CHD5: variants seen among roughly 807,000 people sequenced by gnomAD.
CHD5 encodes the protein ATP-dependent chromatin remodeler CHD5.
Under a neutral mutation model 230.3 loss-of-function variants are expected in CHD5, and 69 were observed. The observed-to-expected ratio is 0.30, with a 90% confidence interval of 0.25 to 0.37. The LOEUF is 0.37. Ranked by LOEUF, CHD5 falls within the 10% of genes least tolerant of loss-of-function variation. The pLI, the probability that CHD5 is intolerant of heterozygous loss-of-function variation, is 1.00. For synonymous variants in CHD5, 1,064 were observed against 1,065.9 expected (o/e 1.00, Z 0.03); for missense variants, 1,827 against 2,622.8 (o/e 0.70, Z 6.63).
chr1:6,175,392 T>C (rs1571177191), intron 1 of CHD5, among the ~76,000 whole-genome samples: 1 of 144,622 alleles, frequency 6.9e-6, no homozygotes, highest in South Asian at 2.1e-4. Context: ...GATGGATGCA[T>C]GGATGGATGG....
At chr1:6,107,150 C>T (rs1352918252) in intron 38 of CHD5, among the ~76,000 whole-genome samples, 7 of 80,076 alleles carry the variant, frequency 8.7e-5, no homozygotes, top group Admixed American at 6.6e-4. Context: ...GATAATGGAG[C>T]GAAGATGGAG....
In CHD5 at chr1:6,128,799, C is replaced by T; in HGVS notation, c.3619+39G>A. 6.4e-7 allele frequency: 1 copy of T among 1,565,064 alleles called. No homozygotes were observed. Among genetic ancestry groups the T allele is most frequent in the Non-Finnish European group, 8.8e-7 (1 of 1,139,484 alleles). On this transcript the variant is annotated intron_variant, in intron 23 of 41. Coordinates refer to ENST00000262450, the MANE Select transcript of CHD5 (RefSeq NM_015557.3). This position sits in a 1 kb window ranked among gnomAD's most constrained non-coding sequence, Gnocchi z 7.8. ...TGGATGGGTGTCTCAGCCGGGCCACCCCAGTCCCCTGCCACGCTCCCTCGG... is the reference window on the plus strand; with the variant it reads ...TGGATGGGTGTCTCAGCCGGGCCACTCCAGTCCCCTGCCACGCTCCCTCGG...
chr1:6,179,598 G>A (rs1360617840), intron 1 of CHD5, among the ~76,000 whole-genome samples: 3 of 150,872 alleles, frequency 2.0e-5, no homozygotes, highest in Non-Finnish European at 4.4e-5. Context: ...GAGCTAGCGC[G>A]ATTCCCGCCC....
At chr1:6,162,566 C>T (rs1667194462) in intron 2 of CHD5, among the ~76,000 whole-genome samples, 1 of 152,094 alleles carries the variant, frequency 6.6e-6, no homozygotes, top group African/African-American at 2.4e-5. Flanking sequence ...CTCGGCCAAG[C>T]CAGAGCAGGC....
In CHD5 at chr1:6,148,902, C is replaced by T. The variant is rs890504160; in HGVS notation, c.1335G>A (p.Pro445=). ...CACCGTTTGGGATCTCGGGCAGCGGCGGGTTGAGGCAATGCAGGTGGTAGG... is the reference window on the plus strand; with the variant it reads ...CACCGTTTGGGATCTCGGGCAGCGGTGGGTTGAGGCAATGCAGGTGGTAGG... ...PSSYHLHCLN[P]PLPEIPNGEW... Residue 445 remains proline, a synonymous_variant, in exon 9 of 42, where the codon CCG becomes CCA. Coordinates refer to ENST00000262450, the MANE Select transcript of CHD5 (RefSeq NM_015557.3). 2.2e-5 allele frequency: 35 copies of T among 1,587,584 alleles called. No individual in the cohort carries two copies. Among genetic ancestry groups the T allele is most frequent in the Non-Finnish European group, 2.9e-5 (34 of 1,166,212 alleles).
chr1:6,114,444 G>T (rs1666343330), intron 33 of CHD5, among the ~76,000 whole-genome samples: 1 of 151,496 alleles, frequency 6.6e-6, no homozygotes, highest in South Asian at 2.1e-4. Context: ...AACCGTCTTG[G>T]GCCACACATA....
rs1473294042 is a variant in CHD5 at position 6,130,852 on chromosome 1, A to T, written c.3263-524T>A. Among the ~76,000 whole-genome samples the T allele has an allele frequency of 6.6e-6, 1 of 152,108 alleles. No homozygotes were observed. Among genetic ancestry groups the T allele is most frequent in the Admixed American group, 6.5e-5 (1 of 15,280 alleles). On this transcript the variant is annotated intron_variant, in intron 21 of 41. Transcript: ENST00000262450. This position sits in a 1 kb window ranked among gnomAD's most constrained non-coding sequence, Gnocchi z 4.9. ...TGACCTGGGACTGACCACAGCCCCC[A>T]CTGGAGCTGCAAACAGGCCCCTGGC...
intron 1 of CHD5, among the ~76,000 whole-genome samples, chr1:6,169,049 T>C (rs1340571962): frequency 6.7e-6 from 1 of 148,878 alleles, no homozygotes; most frequent in Non-Finnish European, 1.5e-5. Context: ...GAGAGAGAAT[T>C]GTGGAGCACA....
chr1:6,106,258 C>T lies in CHD5; in HGVS notation c.*22G>A. Reference sequence around the variant, plus strand: ...CCTCAGCTGGAAATGAGCGCTGCAACACAGGGAAGTCTCGAGGACGGCTAG... The same window carrying T: ...CCTCAGCTGGAAATGAGCGCTGCAATACAGGGAAGTCTCGAGGACGGCTAG... On this transcript the variant is annotated 3_prime_UTR_variant, in exon 41 of 42. Coordinates refer to ENST00000262450, the MANE Select transcript of CHD5 (RefSeq NM_015557.3). The T allele has an allele frequency of 1.2e-6, 2 of 1,612,814 alleles. No homozygotes were observed. Among genetic ancestry groups the T allele is most frequent in the Non-Finnish European group, 8.5e-7 (1 of 1,179,968 alleles).
In CHD5 at chr1:6,126,278, C is replaced by T. The variant is rs1473286609; in HGVS notation, c.4078+294G>A. Among the ~76,000 whole-genome samples, 2 of 152,080 alleles carry T rather than the reference C, an allele frequency of 1.3e-5. No individual in the cohort carries two copies. The highest frequency in any genetic ancestry group is 4.8e-5 in the African/African-American group (2 of 41,414). Reference sequence around the variant, plus strand: ...CGGGGGGGTCCTGCACAGGGATGCCCCAACAGAATCCTGCCCCACCCTCCA... The same window carrying T: ...CGGGGGGGTCCTGCACAGGGATGCCTCAACAGAATCCTGCCCCACCCTCCA... On this transcript the variant is annotated intron_variant, in intron 26 of 41. Transcript: ENST00000262450. The surrounding 1 kb of genome is among the most constrained non-coding windows in gnomAD (Gnocchi z 5.7).
intron 15 of CHD5, among the ~76,000 whole-genome samples, chr1:6,139,264 A>T (rs1383984919): frequency 6.6e-6 from 1 of 152,122 alleles, no homozygotes; most frequent in Non-Finnish European, 1.5e-5. Context: ...GGTTTTTCTG[A>T]GACAGAGTTT....
At chr1:6,106,117 TA>T in intron 41 of CHD5, 116 bp downstream of exon 41, 1 of 972,452 alleles carries the variant, frequency 1.0e-6, no homozygotes, top group Non-Finnish European at 1.6e-6. Context: ...CCGGAGGCAG[TA>T]AAAGCTCCAG....
At position 6,111,849 on chromosome 1, in the gene CHD5, A is replaced by T; in HGVS notation, c.5175T>A (p.Ala1725=). The change falls in exon 36 of 42, where the codon GCT becomes GCA. Residue 1725 remains alanine (A), a synonymous_variant. Transcript: ENST00000262450. ...LHTLWQNEER[A]AVSSGKIYDI... is the part of the protein sequence containing the mutation. ...CGTAGATTTTCCCAGAGGATACAGCAGCCCGCTCCTCGTTCTGCCACAGCG... is the reference window on the plus strand; with the variant it reads ...CGTAGATTTTCCCAGAGGATACAGCTGCCCGCTCCTCGTTCTGCCACAGCG... 6.2e-7 allele frequency: 1 copy of T among 1,613,348 alleles called. No homozygotes were observed. Among genetic ancestry groups the T allele is most frequent in the Non-Finnish European group, 8.5e-7 (1 of 1,180,022 alleles).
chr1:6,142,732 T>A lies in CHD5; in HGVS notation c.2044-127A>T, dbSNP rs927548661. 9.5e-7 allele frequency: 1 copy of A among 1,051,160 alleles called. No homozygotes were observed. Among genetic ancestry groups the A allele is most frequent in the African/African-American group, 1.6e-5 (1 of 62,814 alleles). 65.1% of individuals were successfully genotyped at this position (1,051,160 alleles called of 1,614,324 possible). A position where few individuals can be genotyped will look rare whatever the true frequency, so the allele number is the denominator to read the frequency against. ...TCCCACTCCTGTCTGTCTTCCTAAC[T>A]CTTCTCCAGTTCTTGGATGGAACAC... is the stretch of plus-strand genomic sequence containing the variant. On this transcript the variant is annotated intron_variant, in intron 13 of 41. Transcript: ENST00000262450. The surrounding 1 kb of genome is among the most constrained non-coding windows in gnomAD (Gnocchi z 5.2).
At chr1:6,115,423 C>T (rs534396466) in intron 33 of CHD5, among the ~76,000 whole-genome samples, 4 of 152,164 alleles carry the variant, frequency 2.6e-5, no homozygotes, top group African/African-American at 9.7e-5. Flanking sequence ...TTCCGTTTTG[C>T]GGCACGGGTG....
At chr1:6,166,481 G>A (rs770157187) in intron 2 of CHD5, among the ~76,000 whole-genome samples, 3 of 152,010 alleles carry the variant, frequency 2.0e-5, no homozygotes, top group Non-Finnish European at 2.9e-5. Context: ...AAAGAGCACC[G>A]GGGCGGTACA....
chr1:6,166,061 G>A (rs1481190400), intron 2 of CHD5, among the ~76,000 whole-genome samples: 1 of 151,920 alleles, frequency 6.6e-6, no homozygotes, highest in Non-Finnish European at 1.5e-5. Context: ...CAGTGGTAAG[G>A]GGGGGTTCCC....
rs1201011716 is a variant in CHD5 at position 6,125,631 on chromosome 1, C to T, written c.4172-19G>A. The T allele has an allele frequency of 6.2e-7, 1 of 1,613,116 alleles. No individual in the cohort carries two copies. Among genetic ancestry groups the T allele is most frequent in the Admixed American group, 1.7e-5 (1 of 59,854 alleles). On this transcript the variant is annotated intron_variant, in intron 27 of 41. Coordinates refer to ENST00000262450, the MANE Select transcript of CHD5 (RefSeq NM_015557.3). The surrounding 1 kb of genome is among the most constrained non-coding windows in gnomAD (Gnocchi z 6.7). The stretch of plus-strand genomic sequence containing the variant: ...CGTCCACCTGGGGAGCAGCCCGCCA[C>T]AGTTCCTCAGGTGGGAGCCCAGAGA...
chr1:6,114,350 C>T (rs570303480), intron 33 of CHD5, among the ~76,000 whole-genome samples: 2 of 152,162 alleles, frequency 1.3e-5, no homozygotes, highest in South Asian at 2.1e-4. Flanking sequence ...AGCAGACAAG[C>T]GCCTGGGGCT....
Sources: gnomAD v4.1 joint callset for allele counts (sites outside exome capture counted in the v4.1 genomes callset) on GRCh38, gnomAD v4.1.1 for gene constraint, Gnocchi (gnomAD v3.1) non-coding constraint, MANE v1.5 for transcripts, NCBI Gene and HGNC (gene_info 2026-07-23, HGNC 2026-07-21) for gene names.